Variants in MYLK observed in about 807,000 individuals in gnomAD.
The protein encoded by MYLK is myosin light chain kinase, smooth muscle.
MYLK carries 106 observed loss-of-function variants against 203.4 expected under a neutral mutation model. The ratio of observed to expected loss-of-function variants is 0.52; its 90% CI spans 0.45 to 0.61. The LOEUF is 0.61. Ranked by LOEUF, MYLK falls within the 20% of genes least tolerant of loss-of-function variation. The pLI is 0.00. For synonymous variants in MYLK, 867 were observed against 959.5 expected (o/e 0.90, Z 1.78); for missense variants, 2,072 against 2,442.3 (o/e 0.85, Z 3.20).
At chr3:123,763,736 ATCT>A (rs1237355739) in intron 4 of MYLK, among the ~76,000 whole-genome samples, 2 of 152,078 alleles carry the variant, frequency 1.3e-5, no homozygotes, top group Non-Finnish European at 2.9e-5. Flanking sequence ...AACTTTTAGA[ATCT>A]TCTTTTCATT....
chr3:123,724,046 T>G (rs1043465422), intron 12 of MYLK, among the ~76,000 whole-genome samples: 3 of 152,206 alleles, frequency 2.0e-5, no homozygotes, highest in Non-Finnish European at 4.4e-5. Context: ...GCTTATGTAT[T>G]GTCTATTCTT....
At chr3:123,759,931 A>G (rs1351264993) in intron 4 of MYLK, among the ~76,000 whole-genome samples, 1 of 152,228 alleles carries the variant, frequency 6.6e-6, no homozygotes, top group Non-Finnish European at 1.5e-5. Context: ...GCTCAGGTAT[A>G]TGAGACAATA....
At position 123,611,208 on chromosome 3, in the gene MYLK, T is replaced by TA. The variant is rs1397405748; in HGVS notation, c.*2896dup. 6.6e-6 allele frequency: 1 copy of TA among 152,342 alleles called. No individual in the cohort carries two copies. The highest frequency in any genetic ancestry group is 1.5e-5 in the Non-Finnish European group (1 of 68,026). The allele number at this position is 152,342 out of a possible 1,614,324, so 9.4% of individuals were successfully genotyped here. On this transcript the variant is annotated 3_prime_UTR_variant, in exon 34 of 34. Transcript: ENST00000360304. ...TCAGAGAATTATCTAGCCCTACATT[T>TA]AACAGCATGTCTTAAACTCTTTCTA...
intron 20 of MYLK, among the ~76,000 whole-genome samples, chr3:123,671,796 AGAGCACGGG>A (rs989771625): frequency 1.3e-5 from 2 of 152,132 alleles, no homozygotes; most frequent in African/African-American, 4.8e-5. Flanking sequence ...ACTAGAGGGA[AGAGCACGGG>A]GAGCCAAATC....
chr3:123,823,897 C>T (rs1363224416), intron 3 of MYLK, among the ~76,000 whole-genome samples: 1 of 152,154 alleles, frequency 6.6e-6, no homozygotes, highest in Non-Finnish European at 1.5e-5. Flanking sequence ...AGGGCCTTTG[C>T]AATGGACAGT....
At chr3:123,743,979 C>T (rs1476071779) in intron 5 of MYLK, among the ~76,000 whole-genome samples, 3 of 152,142 alleles carry the variant, frequency 2.0e-5, no homozygotes, top group Non-Finnish European at 4.4e-5. Context: ...AAGTGGGGAG[C>T]AGTCACCCTA....
chr3:123,613,238 C>T lies in MYLK; in HGVS notation c.*867G>A, dbSNP rs1306598292. On this transcript the variant is annotated 3_prime_UTR_variant, in exon 34 of 34. Coordinates refer to ENST00000360304, the MANE Select transcript of MYLK (RefSeq NM_053025.4). The stretch of plus-strand genomic sequence containing the variant: ...TAACTTTTCAGCAAACTGATTTCTC[C>T]TATATTCAAACACAAAAATCTTTAC... 1 of 152,146 alleles carries T rather than the reference C, an allele frequency of 6.6e-6. No individual in the cohort carries two copies. Among genetic ancestry groups the T allele is most frequent in the Non-Finnish European group, 1.5e-5 (1 of 68,040 alleles). 9.4% of individuals were successfully genotyped at this position (152,146 alleles called of 1,614,324 possible). A position where few individuals can be genotyped will look rare whatever the true frequency, so the allele number is the denominator to read the frequency against.
chr3:123,638,602 T>G, intron 28 of MYLK: 1 of 269,042 alleles, frequency 3.7e-6, no homozygotes, highest in Non-Finnish European at 5.7e-6. Context: ...CCCCAAGGGG[T>G]AGGTATAATG....
chr3:123,857,969 G>A (rs992629836), intron 2 of MYLK, among the ~76,000 whole-genome samples: 10 of 152,052 alleles, frequency 6.6e-5, no homozygotes, highest in Non-Finnish European at 1.2e-4. Flanking sequence ...ACTTGCACTT[G>A]GGGCCTATGG....
chr3:123,691,719 G>C (rs756621103), intron 19 of MYLK: 12 of 152,164 alleles, frequency 7.9e-5, no homozygotes, highest in Non-Finnish European at 1.3e-4. Context: ...AACCAAGCTG[G>C]GCTTCAAGAT....
intron 2 of MYLK, among the ~76,000 whole-genome samples, chr3:123,856,726 T>A (rs947655825): frequency 4.6e-5 from 7 of 152,254 alleles, no homozygotes; most frequent in African/African-American, 1.7e-4. Flanking sequence ...CAAACCCAAA[T>A]TGTTTCCATA....
chr3:123,721,369 G>C (rs1422526038), intron 13 of MYLK, among the ~76,000 whole-genome samples: 1 of 152,098 alleles, frequency 6.6e-6, no homozygotes, highest in African/African-American at 2.4e-5. Flanking sequence ...GTGGGATCAG[G>C]CTTACCTGAA....
intron 2 of MYLK, among the ~76,000 whole-genome samples, chr3:123,857,088 C>A (rs1433713615): frequency 2.6e-5 from 4 of 152,152 alleles, no homozygotes; most frequent in East Asian, 1.9e-4. Context: ...AAATCAAAAC[C>A]ACAATGAGAT....
At chr3:123,824,115 G>A (rs1363491243) in intron 3 of MYLK, among the ~76,000 whole-genome samples, 1 of 148,822 alleles carries the variant, frequency 6.7e-6, no homozygotes, top group African/African-American at 2.5e-5. Context: ...TTGAGACGGA[G>A]TTTCACTCTT....
chr3:123,674,975 C>A (rs538108691), intron 20 of MYLK, among the ~76,000 whole-genome samples: 65 of 152,332 alleles, frequency 4.3e-4, no homozygotes, highest in Non-Finnish European at 9.3e-4. Context: ...ATCTGCAGTG[C>A]CTAGCATAGT....
chr3:123,718,913 C>T (rs1427274705), intron 13 of MYLK, among the ~76,000 whole-genome samples: 1 of 152,072 alleles, frequency 6.6e-6, no homozygotes, highest in African/African-American at 2.4e-5. Flanking sequence ...AATATAGGCG[C>T]GCAGTAAAGA....
intron 4 of MYLK, among the ~76,000 whole-genome samples, chr3:123,758,888 A>C (rs967774831): frequency 6.6e-6 from 1 of 152,084 alleles, no homozygotes; most frequent in East Asian, 1.9e-4. Flanking sequence ...GCAGTGGCAC[A>C]ATCAGCTCAT....
At chr3:123,653,238 AAC>A (rs143287699) in intron 24 of MYLK, among the ~76,000 whole-genome samples, 45 of 151,442 alleles carry the variant, frequency 3.0e-4, no homozygotes, top group African/African-American at 8.7e-4. Flanking sequence ...CCTCTCTGCC[AAC>A]ACACACACAC....
intron 1 of MYLK, among the ~76,000 whole-genome samples, chr3:123,883,767 C>T (rs2033685488): frequency 6.6e-6 from 1 of 152,110 alleles, no homozygotes; most frequent in Non-Finnish European, 1.5e-5. Context: ...CCTGGGATGG[C>T]CAGGTCTGGC....
Sources: allele counts gnomAD v4.1 joint callset (sites outside exome capture counted in the v4.1 genomes callset), GRCh38; gene constraint gnomAD v4.1.1; transcripts MANE v1.5; gene names NCBI Gene and HGNC (gene_info 2026-07-23, HGNC 2026-07-21).